The following CNTNAP2 variants were observed in gnomAD, a reference collection of about 807,000 sequenced individuals.
The protein encoded by CNTNAP2 is contactin-associated protein-like 2.
A neutral mutation model predicts 155.2 loss-of-function variants in CNTNAP2; 98 were observed. The observed-to-expected ratio is 0.63, with a 90% CI of 0.54 to 0.75. The LOEUF is 0.75. CNTNAP2 is among the 30% of genes least tolerant of loss of function. The pLI is 0.00. For synonymous variants in CNTNAP2, 651 were observed against 631.2 expected, an observed-to-expected ratio of 1.03 and a Z score of -0.47; for missense variants, 1,727 against 1,688.1, an observed-to-expected ratio of 1.02 and a Z score of -0.40.
intron 1 of CNTNAP2, among the ~76,000 whole-genome samples, chr7:146,121,152 G>A (rs1797557951): frequency 1.0e-5 from 1 of 100,172 alleles, no homozygotes; most frequent in Non-Finnish European, 1.9e-5. Context: ...TTTTTGAGAC[G>A]GAGTCTTGCT....
At chr7:147,625,581 T>C (rs28817026) in intron 12 of CNTNAP2, among the ~76,000 whole-genome samples, 13,651 of 145,122 alleles carry the variant, frequency 0.094, 1,699 homozygotes, top group African/African-American at 0.27. Flanking sequence ...AAATGTCAAT[T>C]ACCAAAGAAA....
intron 1 of CNTNAP2, among the ~76,000 whole-genome samples, chr7:146,235,196 T>C (rs1018674836): frequency 1.3e-5 from 2 of 151,516 alleles, no homozygotes; most frequent in African/African-American, 4.8e-5. Flanking sequence ...AAAAATTAGA[T>C]AGTTTCACTT....
At chr7:146,342,101 G>A (rs1201937475) in intron 1 of CNTNAP2, among the ~76,000 whole-genome samples, 1 of 152,084 alleles carries the variant, frequency 6.6e-6, no homozygotes, top group Non-Finnish European at 1.5e-5. Context: ...GGTTGAGTCA[G>A]ATTATGCTTG....
chr7:146,338,993 G>A (rs1025525806), intron 1 of CNTNAP2, among the ~76,000 whole-genome samples: 3 of 151,984 alleles, frequency 2.0e-5, no homozygotes, highest in African/African-American at 7.2e-5. Flanking sequence ...GACCAGCGTG[G>A]CCAACATGGT....
intron 8 of CNTNAP2, among the ~76,000 whole-genome samples, chr7:147,244,273 C>T (rs1031643529): frequency 6.6e-6 from 1 of 152,192 alleles, no homozygotes; most frequent in Non-Finnish European, 1.5e-5. Context: ...TTCTGAACAT[C>T]TCCGCTTTAT....
intron 11 of CNTNAP2, among the ~76,000 whole-genome samples, chr7:147,560,168 CAAAAAAAAA>C (rs71183016): frequency 3.0e-4 from 16 of 52,822 alleles, no homozygotes; most frequent in Non-Finnish European, 5.2e-4. Context: ...AACTCCGTCT[CAAAAAAAAA>C]AAAAAAAAAA....
intron 13 of CNTNAP2, among the ~76,000 whole-genome samples, chr7:147,854,758 G>T (rs529865299): frequency 1.2e-4 from 19 of 152,128 alleles, no homozygotes; most frequent in African/African-American, 4.6e-4. Flanking sequence ...TTCACTATTG[G>T]AAGACTTTGA....
intron 17 of CNTNAP2, among the ~76,000 whole-genome samples, chr7:148,154,651 C>T (rs1421180097): frequency 1.3e-5 from 2 of 152,162 alleles, no homozygotes; most frequent in Non-Finnish European, 2.9e-5. Flanking sequence ...AGATGTACAA[C>T]TCAGGCCGGG....
chr7:147,156,244 A>T (rs984319212), intron 8 of CNTNAP2, among the ~76,000 whole-genome samples: 7 of 152,160 alleles, frequency 4.6e-5, no homozygotes, highest in African/African-American at 9.6e-5. Context: ...TGTTTGGTCC[A>T]TTGATAGGTT....
intron 2 of CNTNAP2, among the ~76,000 whole-genome samples, chr7:146,838,695 G>A (rs989895564): frequency 6.6e-6 from 1 of 152,300 alleles, no homozygotes; most frequent in East Asian, 1.9e-4. Flanking sequence ...AATAGGCCAT[G>A]TAACCATTAT....
intron 8 of CNTNAP2, among the ~76,000 whole-genome samples, chr7:147,159,351 T>G (rs905809328): frequency 2.6e-5 from 4 of 152,110 alleles, no homozygotes; most frequent in African/African-American, 9.7e-5. Context: ...TTTTAATTTT[T>G]AAAAGATAAT....
intron 13 of CNTNAP2, among the ~76,000 whole-genome samples, chr7:147,743,776 C>G (rs1434269071): frequency 6.6e-6 from 1 of 152,014 alleles, no homozygotes; most frequent in East Asian, 1.9e-4. Context: ...CCAGCCATCT[C>G]TTCAGTCCCA....
intron 15 of CNTNAP2, among the ~76,000 whole-genome samples, chr7:148,101,350 AGTGTGTGTGTGTGT>A (rs4015917): frequency 0.014 from 1,996 of 144,442 alleles, 18 homozygotes; most frequent in Non-Finnish European, 0.021. Context: ...TAAAAAGTTC[AGTGTGTGTGTGTGT>A]GTGTGTGTGT....
intron 14 of CNTNAP2, among the ~76,000 whole-genome samples, chr7:147,972,524 G>A (rs1801351220): frequency 6.6e-6 from 1 of 152,124 alleles, no homozygotes; most frequent in African/African-American, 2.4e-5. Context: ...AGACAGCAAA[G>A]CAAGACAGAA....
At chr7:146,820,840 G>C (rs1803266338) in intron 2 of CNTNAP2, among the ~76,000 whole-genome samples, 1 of 152,138 alleles carries the variant, frequency 6.6e-6, no homozygotes, top group Admixed American at 6.6e-5. Flanking sequence ...TTATGAATCT[G>C]GGTGCTCCTG....
At chr7:147,347,240 G>A (rs1419580221) in intron 9 of CNTNAP2, among the ~76,000 whole-genome samples, 2 of 151,922 alleles carry the variant, frequency 1.3e-5, no homozygotes, top group East Asian at 3.9e-4. Context: ...AGTGAATGAG[G>A]AGGGTAGTTG....
intron 11 of CNTNAP2, among the ~76,000 whole-genome samples, chr7:147,516,936 A>G (rs1799139805): frequency 6.9e-6 from 1 of 144,892 alleles, no homozygotes; most frequent in South Asian, 2.1e-4. Flanking sequence ...ATCTCGGCTC[A>G]CTGCGACCAC....
At chr7:147,113,967 C>T (rs1800935307) in intron 5 of CNTNAP2, among the ~76,000 whole-genome samples, 1 of 152,290 alleles carries the variant, frequency 6.6e-6, no homozygotes, top group Middle Eastern at 3.4e-3. Context: ...ACAAATTTCC[C>T]TCTTAACACT....
chr7:147,956,807 G>A (rs1005254364), intron 14 of CNTNAP2, among the ~76,000 whole-genome samples: 1 of 152,122 alleles, frequency 6.6e-6, no homozygotes, highest in Admixed American at 6.6e-5. Flanking sequence ...CTAGAAATGA[G>A]TGAGATCATT....
Sources: gnomAD v4.1 joint callset for allele counts (sites outside exome capture counted in the v4.1 genomes callset) on GRCh38, gnomAD v4.1.1 for gene constraint, MANE v1.5 for transcripts, NCBI Gene and HGNC (gene_info 2026-07-23, HGNC 2026-07-21) for gene names.